The following UTP15 variants were observed in gnomAD, a reference collection of about 807,000 sequenced individuals.
UTP15 encodes UTP15 small subunit processome component.
In UTP15, 5 loss-of-function variants were observed where a neutral mutation model predicts 59.1. That is an observed-to-expected ratio of 0.08 (90% CI 0.04 to 0.18). The LOEUF is 0.18. UTP15 is among the 10% of genes least tolerant of loss of function. The pLI is 1.00. For synonymous variants in UTP15, 211 were observed against 212.2 expected, an observed-to-expected ratio of 0.99 and a Z score of 0.05; for missense variants, 494 against 616.7, an observed-to-expected ratio of 0.80 and a Z score of 2.11.
At chr5:73,567,512 T>G in intron 2 of UTP15, 78 bp downstream of exon 2, 1 of 1,012,850 alleles carries the variant, frequency 9.9e-7, no homozygotes, top group Non-Finnish European at 1.4e-6. Context: ...CTCTGGATGC[T>G]CTAACAGAGA....
In UTP15 at chr5:73,577,152, A is replaced by G. The variant is rs550698319; in HGVS notation, c.894+116A>G. On this transcript the variant is annotated intron_variant, in intron 8 of 12. Transcript: ENST00000296792. ...AGTAACTTTTCTTGCCACATCAGATATTTGAGTTAAGACAATTGCTGGAAT... is the reference window on the plus strand; with the variant it reads ...AGTAACTTTTCTTGCCACATCAGATGTTTGAGTTAAGACAATTGCTGGAAT... 100 of 773,768 alleles carry G rather than the reference A, an allele frequency of 1.3e-4. 3 individuals are homozygous for G. The South Asian group carries it at 1.5e-3, about 12-fold the overall frequency. 47.9% of individuals were successfully genotyped at this position (773,768 alleles called of 1,614,324 possible).
rs112432809 is a variant in UTP15, at chr5:73,580,356, T to A, written c.*262T>A. 97 of 322,300 alleles carry A rather than the reference T, an allele frequency of 3.0e-4. 2 individuals are homozygous for A. The highest frequency in any genetic ancestry group is 2.0e-3 in the African/African-American group (94 of 46,134). The allele number at this position is 322,300 out of a possible 1,614,324, so 20.0% of individuals were successfully genotyped here. The stretch of plus-strand genomic sequence containing the variant: ...ACAGAGTAGGTTTATCTGGGATGGA[T>A]ATTAATTTTAATACAGGAGTGTTCT... On this transcript the variant is annotated 3_prime_UTR_variant, in exon 13 of 13. Transcript: ENST00000296792.
At chr5:73,567,889 A>G (rs1242753084) in intron 2 of UTP15, among the ~76,000 whole-genome samples, 2 of 152,220 alleles carry the variant, frequency 1.3e-5, no homozygotes, top group Non-Finnish European at 2.9e-5. Context: ...GGAACAGCCT[A>G]CATGGTATGA....
intron 2 of UTP15, 76 bp from the exon 3 acceptor site, chr5:73,568,159 C>T: frequency 9.2e-7 from 1 of 1,087,418 alleles, no homozygotes; most frequent in Non-Finnish European, 1.3e-6. Context: ...GAGAAACGGT[C>T]TGTAAGAAAT....
intron 12 of UTP15, among the ~76,000 whole-genome samples, 198 bp from the exon 13 acceptor site, chr5:73,579,679 C>T (rs1170050312): frequency 6.6e-6 from 1 of 152,028 alleles, no homozygotes; most frequent in East Asian, 1.9e-4. Flanking sequence ...CCTATACTTT[C>T]TGTAATTATT....
At chr5:73,569,289 C>G (rs554164208) in intron 4 of UTP15, among the ~76,000 whole-genome samples, 23 of 150,736 alleles carry the variant, frequency 1.5e-4, no homozygotes, top group African/African-American at 5.6e-4. Context: ...TTTTTTTTAA[C>G]TTTACAATAT....
Position 73,578,735 on chromosome 5 carries a change from G to C in UTP15, c.1045-16G>C. 4 of 1,607,728 alleles carry C rather than the reference G, an allele frequency of 2.5e-6. No homozygotes were observed. The highest frequency in any genetic ancestry group is 3.4e-6 in the Non-Finnish European group (4 of 1,174,506). On this transcript the variant is annotated splice_polypyrimidine_tract_variant and intron_variant, in intron 9 of 12. Transcript: ENST00000296792. ...ATGCTGATTTTCCTTCTCTATAAATGTACTTTTCATTGCAGGATGACATTT... is the reference window on the plus strand; with the variant it reads ...ATGCTGATTTTCCTTCTCTATAAATCTACTTTTCATTGCAGGATGACATTT...
intron 6 of UTP15, among the ~76,000 whole-genome samples, chr5:73,571,759 G>C (rs1747938337): frequency 6.6e-6 from 1 of 152,012 alleles, no homozygotes; most frequent in African/African-American, 2.4e-5. Context: ...AACATAGCAA[G>C]ACTCTAAGAC....
In UTP15 at chr5:73,565,932, A is replaced by T. The variant is rs1434080193; in HGVS notation, c.-84+20A>T. On this transcript the variant is annotated intron_variant, in intron 1 of 12. Transcript: ENST00000296792. ...GTGGAGGTAGGTGAAGGCGGCTCCC[A>T]TTGAGGGAAGCCCACACTCACACCC... The T allele has an allele frequency of 2.2e-6, 1 of 455,568 alleles. No individual in the cohort carries two copies. The highest frequency in any genetic ancestry group is 2.4e-5 in the Admixed American group (1 of 42,478). The allele number at this position is 455,568 out of a possible 1,614,324, so 28.2% of individuals were successfully genotyped here.
chr5:73,568,310 G>C lies in UTP15; in HGVS notation c.166G>C (p.Val56Leu). The C allele has an allele frequency of 6.2e-7, 1 of 1,609,210 alleles. No homozygotes were observed. The change falls in exon 3 of 13, where the codon GTC becomes CTC. Residue 56 changes from valine to leucine, a missense_variant. By Grantham distance (32) the Val-to-Leu change is conservative. Transcript: ENST00000296792. Reference sequence around the variant, plus strand: ...TCCTCAGCCTCCATATAATTATGCTGTCACAGCTTCCTCAAGAGTAAGTAT... The same window carrying C: ...TCCTCAGCCTCCATATAATTATGCTCTCACAGCTTCCTCAAGAGTAAGTAT... ...FSPQPPYNYAVTASSRIHIYG... is the reference protein window; with the variant it reads ...FSPQPPYNYALTASSRIHIYG...
intron 1 of UTP15, 174 bp downstream of exon 1, chr5:73,566,086 AC>A (rs1747750510): frequency 3.1e-6 from 1 of 325,908 alleles, no homozygotes; most frequent in Non-Finnish European, 6.1e-6. Flanking sequence ...CTGCGATTAC[AC>A]CCTTTCCTGT....
chr5:73,570,667 A>G lies in UTP15; in HGVS notation c.629A>G (p.Glu210Gly). The change falls in exon 6 of 13, where the codon GAG becomes GGG. Residue 210 changes from glutamate to glycine, a missense_variant. By Grantham distance (98) the Glu-to-Gly change is moderately conservative. Coordinates refer to ENST00000296792, the MANE Select transcript of UTP15 (RefSeq NM_032175.4). The part of the protein sequence containing the change: ...VLSVEHGQPV[E>G]SVLLFPSGGL... ...TCCGTTGAGCATGGGCAGCCAGTGGAGAGTGTCCTACTTTTCCCCTCTGGA... is the reference window on the plus strand; with the variant it reads ...TCCGTTGAGCATGGGCAGCCAGTGGGGAGTGTCCTACTTTTCCCCTCTGGA... 6.2e-7 allele frequency: 1 copy of G among 1,614,180 alleles called. No homozygotes were observed. The highest frequency in any genetic ancestry group is 8.5e-7 in the Non-Finnish European group (1 of 1,180,016).
At chr5:73,573,728 C>T (rs2112048605) in intron 7 of UTP15, among the ~76,000 whole-genome samples, 1 of 151,874 alleles carries the variant, frequency 6.6e-6, no homozygotes, top group South Asian at 2.1e-4. Context: ...CGCTTGCCAC[C>T]TTGCCCGGCT....
rs771063700 is a variant in UTP15, at chr5:73,568,344, A to G, written c.183+17A>G. On this transcript the variant is annotated intron_variant, in intron 3 of 12. Coordinates refer to ENST00000296792, the MANE Select transcript of UTP15 (RefSeq NM_032175.4). The stretch of plus-strand genomic sequence containing the variant: ...TCCTCAAGAGTAAGTATAATATTAA[A>G]TTTCTTTATTTTTCTTTTGTATAGT... The G allele has an allele frequency of 1.9e-5, 30 of 1,585,400 alleles. No homozygotes were observed. The Middle Eastern group carries it at 5.3e-4, about 28-fold the overall frequency.
intron 7 of UTP15, among the ~76,000 whole-genome samples, chr5:73,574,820 T>A (rs1748042611): frequency 6.6e-6 from 1 of 152,210 alleles, no homozygotes; most frequent in Non-Finnish European, 1.5e-5. Context: ...TATTTCCATA[T>A]TTTCATTTTT....
chr5:73,576,695 A>C (rs1748108681), intron 7 of UTP15, among the ~76,000 whole-genome samples: 1 of 151,814 alleles, frequency 6.6e-6, no homozygotes, highest in African/African-American at 2.4e-5. Flanking sequence ...CTGGTCTCGA[A>C]CTCCTGACCT....
rs769046591 is a variant in UTP15 at position 73,580,095 on chromosome 5, T to C, written c.*1T>C. The C allele has an allele frequency of 1.2e-6, 2 of 1,611,566 alleles. No homozygotes were observed. Among genetic ancestry groups the C allele is most frequent in the Admixed American group, 1.7e-5 (1 of 59,854 alleles). ...AGAGAATAAGAAGATAGAATCATAGTGTCTGCTAAATAAGACATATAAGAA... is the reference window on the plus strand; with the variant it reads ...AGAGAATAAGAAGATAGAATCATAGCGTCTGCTAAATAAGACATATAAGAA... On this transcript the variant is annotated 3_prime_UTR_variant, in exon 13 of 13. Coordinates refer to ENST00000296792, the MANE Select transcript of UTP15 (RefSeq NM_032175.4).
chr5:73,576,295 C>T (rs554244073), intron 7 of UTP15, among the ~76,000 whole-genome samples: 10 of 150,186 alleles, frequency 6.7e-5, no homozygotes, highest in African/African-American at 2.0e-4. Flanking sequence ...TGGTAGACAT[C>T]GGGTTATGCC....
At chr5:73,575,660 G>A (rs1422407175) in intron 7 of UTP15, among the ~76,000 whole-genome samples, 1 of 151,400 alleles carries the variant, frequency 6.6e-6, no homozygotes, top group African/African-American at 2.4e-5. Flanking sequence ...GCCTCCCAGA[G>A]TGCTGGGATT....
Sources: allele counts gnomAD v4.1 joint callset (sites outside exome capture counted in the v4.1 genomes callset), GRCh38; gene constraint gnomAD v4.1.1; transcripts MANE v1.5; gene names NCBI Gene and HGNC (gene_info 2026-07-23, HGNC 2026-07-21).